Variants in SH3GL3 observed in about 807,000 individuals in gnomAD.
SH3GL3 encodes SH3 domain containing GRB2 like 3, endophilin A3, also known as endophilin-A3.
Under a neutral mutation model 47.7 loss-of-function variants are expected in SH3GL3, and 33 were observed. The ratio of observed to expected loss-of-function variants is 0.69; its 90% CI spans 0.52 to 0.92. The LOEUF (loss-of-function observed/expected upper bound fraction) is 0.92. Among genes scored for constraint, SH3GL3 ranks in the 40% least tolerant of loss-of-function variants. The probability of loss-of-function intolerance (pLI) is 0.00; values close to 1 mark genes in which losing one functional copy is unlikely to be tolerated. For synonymous variants in SH3GL3, 155 were observed against 148.8 expected, an observed-to-expected ratio of 1.04 and a Z score of -0.30; for missense variants, 363 against 417.8, an observed-to-expected ratio of 0.87 and a Z score of 1.14.
intron 1 of SH3GL3, among the ~76,000 whole-genome samples, chr15:83,511,339 C>A (rs2042738648): frequency 6.6e-6 from 1 of 152,020 alleles, no homozygotes; most frequent in African/African-American, 2.4e-5. Flanking sequence ...CCCTCCAGCT[C>A]CAGATGTAAA....
intron 8 of SH3GL3, among the ~76,000 whole-genome samples, chr15:83,603,086 G>A (rs1281000357): frequency 5.3e-5 from 8 of 151,248 alleles, no homozygotes; most frequent in East Asian, 2.0e-4. Context: ...TGCAACCTCC[G>A]CTTCCCAGGT....
intron 1 of SH3GL3, among the ~76,000 whole-genome samples, chr15:83,535,107 A>G (rs929321670): frequency 1.3e-5 from 2 of 152,124 alleles, no homozygotes; most frequent in African/African-American, 4.8e-5. Flanking sequence ...AAAAAAAGGC[A>G]AACACTATCA....
intron 1 of SH3GL3, among the ~76,000 whole-genome samples, chr15:83,519,898 G>A (rs1322683065): frequency 6.6e-6 from 1 of 152,052 alleles, no homozygotes; most frequent in East Asian, 1.9e-4. Flanking sequence ...TTCACATTTA[G>A]TATTGTAAGT....
chr15:83,519,067 T>TAAAACATGTTTAGTTTA lies in SH3GL3; in HGVS notation c.46-40186_46-40185insAAAACATGTTTAGTTTA, dbSNP rs564596471. 3.7e-3 allele frequency among the ~76,000 whole-genome samples: 567 copies of TAAAACATGTTTAGTTTA among 152,338 alleles called. 4 individuals carry two copies. The highest frequency in any genetic ancestry group is 7.0e-3 in the Non-Finnish European group (475 of 68,032). ...ACCAGCACCATGATGTTTTAGTTAC[T>TAAAACATGTTTAGTTTA]GTAGCCTTATAGTACTGTTTGAAGT... On this transcript the variant is annotated intron_variant, in intron 1 of 8. Transcript: ENST00000427482.
At chr15:83,550,400 A>AT (rs901872384) in intron 1 of SH3GL3, among the ~76,000 whole-genome samples, 11 of 151,624 alleles carry the variant, frequency 7.3e-5, no homozygotes, top group Non-Finnish European at 1.2e-4. Flanking sequence ...TATTTTATTT[A>AT]TTTTTTTTGA....
chr15:83,588,312 G>A (rs996613166), intron 7 of SH3GL3, among the ~76,000 whole-genome samples: 5 of 151,948 alleles, frequency 3.3e-5, no homozygotes, highest in East Asian at 3.9e-4. Flanking sequence ...TGTATTTTTC[G>A]TAGAGATGGG....
chr15:83,565,971 A>G (rs1316891421), intron 3 of SH3GL3: 1 of 152,206 alleles, frequency 6.6e-6, no homozygotes, highest in African/African-American at 2.4e-5. Flanking sequence ...TTACAATTGT[A>G]TTGATGATAA....
At position 83,568,530 on chromosome 15, in the gene SH3GL3, A is replaced by G. The variant is rs769234171; in HGVS notation, c.189A>G (p.Ala63=). 12 of 1,612,576 alleles carry G rather than the reference A, an allele frequency of 7.4e-6. No homozygotes were observed. The highest frequency in any genetic ancestry group is 8.5e-6 in the Non-Finnish European group (10 of 1,178,726). ...ATTACAAATGACAATGTTTTTAAGC[A>G]TACAGAGCTAAGCTAGGAATGCTGA... ...KTTEYLQPNP[A]YRAKLGMLNT... The change falls in exon 4 of 9, where the codon GCA becomes GCG. Residue 63 remains alanine (A), a splice_region_variant and synonymous_variant. Transcript: ENST00000427482.
intron 5 of SH3GL3, among the ~76,000 whole-genome samples, chr15:83,573,414 A>C (rs918543821): frequency 1.3e-5 from 2 of 152,228 alleles, no homozygotes; most frequent in South Asian, 4.1e-4. Context: ...TGGACCAGCA[A>C]CATCAGCATC....
At chr15:83,532,254 T>G (rs562811437) in intron 1 of SH3GL3, among the ~76,000 whole-genome samples, 12 of 152,276 alleles carry the variant, frequency 7.9e-5, no homozygotes, top group South Asian at 6.2e-4. Flanking sequence ...AATTGAAGTT[T>G]GAGAAGTTTG....
At chr15:83,551,400 G>T (rs1002454407) in intron 1 of SH3GL3, among the ~76,000 whole-genome samples, 32 of 152,184 alleles carry the variant, frequency 2.1e-4, no homozygotes, top group African/African-American at 7.7e-4. Flanking sequence ...TGCGATATTT[G>T]TGATGGGGAA....
chr15:83,447,595 G>T lies in SH3GL3; in HGVS notation c.45+17G>T. ...GCCAGCCAGGTAGGGAGGCGCAGAG[G>T]AGGGAAGGAGGGAGGGGGACGCGGA... On this transcript the variant is annotated intron_variant, in intron 1 of 8. Transcript: ENST00000427482. This position sits in a 1 kb window ranked among gnomAD's most constrained non-coding sequence, Gnocchi z 5.1. 6.7e-7 allele frequency: 1 copy of T among 1,488,380 alleles called. No individual in the cohort carries two copies. The highest frequency in any genetic ancestry group is 9.0e-7 in the Non-Finnish European group (1 of 1,112,568). The allele number at this position is 1,488,380 out of a possible 1,614,324, so 92.2% of individuals were successfully genotyped here.
intron 8 of SH3GL3, among the ~76,000 whole-genome samples, chr15:83,591,859 G>C (rs1305761560): frequency 6.6e-6 from 1 of 151,924 alleles, no homozygotes; most frequent in Admixed American, 6.6e-5. Flanking sequence ...CTAATTTTTT[G>C]TATTTTTAAT....
At chr15:83,543,090 T>C (rs76306488) in intron 1 of SH3GL3, among the ~76,000 whole-genome samples, 2,404 of 152,260 alleles carry the variant, frequency 0.016, 34 homozygotes, top group Non-Finnish European at 0.022. Flanking sequence ...TTTTTCCTCA[T>C]TCAGTATGAT....
At chr15:83,609,118 G>A (rs1031122747) in intron 8 of SH3GL3, among the ~76,000 whole-genome samples, 1 of 152,148 alleles carries the variant, frequency 6.6e-6, no homozygotes, top group Non-Finnish European at 1.5e-5. Flanking sequence ...GTCATCTGAC[G>A]AGTGCGGATT....
intron 1 of SH3GL3, among the ~76,000 whole-genome samples, chr15:83,495,728 C>T (rs889613573): frequency 3.3e-5 from 5 of 151,786 alleles, no homozygotes; most frequent in Non-Finnish European, 7.4e-5. Flanking sequence ...CAGACTGAGA[C>T]TCGGTCTCAA....
At chr15:83,460,936 A>C (rs1225421506) in intron 1 of SH3GL3, among the ~76,000 whole-genome samples, 1 of 152,142 alleles carries the variant, frequency 6.6e-6, no homozygotes. Context: ...ACAGAAAATT[A>C]GCTGGGCGTG....
At position 83,576,637 on chromosome 15, in the gene SH3GL3, C is replaced by T. The variant is rs746973888; in HGVS notation, c.520C>T (p.Arg174Ter). The stretch of plus-strand genomic sequence containing the variant: ...CCTGGATTACGATTATAAAAAGAAA[C>T]GAGTAGGTAAGATACCAGACGAAGA... Reference protein sequence around the residue: ...RRLDYDYKKKRVGKIPDEEVR... With the variant: ...RRLDYDYKKK Residue 174 changes from arginine to a stop codon, truncating the protein, a stop_gained, in exon 6 of 9, where the codon CGA (arginine) becomes TGA (stop). Transcript: ENST00000427482. LOFTEE classifies it high-confidence loss of function. 4.3e-6 allele frequency: 7 copies of T among 1,612,408 alleles called. No homozygotes were observed. Among genetic ancestry groups the T allele is most frequent in the African/African-American group, 1.3e-5 (1 of 74,744 alleles).
At chr15:83,618,039 A>G (rs1284707360) in intron 8 of SH3GL3, 43 bp from the exon 9 acceptor site, 2 of 1,265,536 alleles carry the variant, frequency 1.6e-6, no homozygotes, top group East Asian at 4.6e-5. Flanking sequence ...TGGATAATCC[A>G]TCATGTTCAT....
Sources: gnomAD v4.1 joint callset for allele counts (sites outside exome capture counted in the v4.1 genomes callset) on GRCh38, gnomAD v4.1.1 for gene constraint, Gnocchi (gnomAD v3.1) non-coding constraint, MANE v1.5 for transcripts, NCBI Gene and HGNC (gene_info 2026-07-23, HGNC 2026-07-21) for gene names.